The following SPIDR variants were observed in gnomAD, a reference collection of about 807,000 sequenced individuals.
SPIDR encodes DNA repair-scaffolding protein.
In SPIDR, 93 loss-of-function variants were observed where a neutral mutation model predicts 104.6. The ratio of observed to expected loss-of-function variants is 0.89; its 90% confidence interval spans 0.75 to 1.06. The LOEUF (loss-of-function observed/expected upper bound fraction) is 1.06. SPIDR is among the 50% of genes least tolerant of loss of function. The pLI, the probability that SPIDR is intolerant of heterozygous loss-of-function variation, is 0.00. For missense variants in SPIDR, 1,154 were observed against 1,111.2 expected (o/e 1.04, Z -0.55); for synonymous variants, 431 against 416.9 (o/e 1.03, Z -0.41).
In SPIDR at chr8:47,479,920, TTC is replaced by T. The variant is rs1379996452; in HGVS notation, c.1097+39382_1097+39383del. 2.0e-5 allele frequency among the ~76,000 whole-genome samples: 3 copies of T among 152,360 alleles called. No individual in the cohort carries two copies. The East Asian group carries it at 5.8e-4, about 29-fold the overall frequency. ...GCTTCTTCAGTGTTTAGCATCCAGTTTCTCTTAGTTTGTGCCTCATGATGTTT... is the reference window on the plus strand; with the variant it reads ...GCTTCTTCAGTGTTTAGCATCCAGTTTCTTAGTTTGTGCCTCATGATGTTT... On this transcript the variant is annotated intron_variant, in intron 8 of 19. Coordinates refer to ENST00000297423, the MANE Select transcript of SPIDR (RefSeq NM_001080394.4).
At chr8:47,487,411 C>CT (rs1358231761) in intron 8 of SPIDR, among the ~76,000 whole-genome samples, 52 of 152,242 alleles carry the variant, frequency 3.4e-4, no homozygotes, top group African/African-American at 1.3e-3. Context: ...TAATGGGAGA[C>CT]TTTAACACCC....
intron 5 of SPIDR, among the ~76,000 whole-genome samples, chr8:47,314,291 T>G (rs1426892256): frequency 6.6e-6 from 1 of 151,550 alleles, no homozygotes; most frequent in Non-Finnish European, 1.5e-5. Context: ...ACAAGAGAAG[T>G]CAAAATGGAA....
chr8:47,476,911 T>C (rs114837705), intron 8 of SPIDR, among the ~76,000 whole-genome samples: 7 of 152,144 alleles, frequency 4.6e-5, no homozygotes, highest in Non-Finnish European at 1.5e-5. Context: ...AATTTCCTTA[T>C]GAGGAGGAAG....
At position 47,575,680 on chromosome 8, in the gene SPIDR, G is replaced by A. The variant is rs576943572; in HGVS notation, c.1098-20131G>A. Among the ~76,000 whole-genome samples the A allele has an allele frequency of 2.1e-4, 29 of 140,534 alleles. 1 individual carries two copies. The highest frequency in any genetic ancestry group is 6.9e-4 in the African/African-American group (26 of 37,914). The allele number at this position is 140,534 out of a possible 152,430, so 92.2% of individuals were successfully genotyped here. ...AAAAAAAAAGAAAGAAAAAAGCTTC[G>A]GCCAGGCGCAGTGGCTCACACTTGT... On this transcript the variant is annotated intron_variant, in intron 8 of 19. Coordinates refer to ENST00000297423, the MANE Select transcript of SPIDR (RefSeq NM_001080394.4).
chr8:47,262,906 A>G (rs2032878963), intron 1 of SPIDR, among the ~76,000 whole-genome samples: 1 of 152,216 alleles, frequency 6.6e-6, no homozygotes, highest in Non-Finnish European at 1.5e-5. Context: ...TTCAGAGGTG[A>G]CTTTCCCTTA....
At chr8:47,710,644 TTTTA>T (rs2081734607) in intron 14 of SPIDR, among the ~76,000 whole-genome samples, 1 of 152,096 alleles carries the variant, frequency 6.6e-6, no homozygotes, top group South Asian at 2.1e-4. Flanking sequence ...AATTTTGTGC[TTTTA>T]GTAGAGATGG....
chr8:47,488,889 A>G (rs1479107632), intron 8 of SPIDR, among the ~76,000 whole-genome samples: 39 of 152,308 alleles, frequency 2.6e-4, no homozygotes, highest in Non-Finnish European at 3.8e-4. Flanking sequence ...ACCCACAGCC[A>G]ATATCATACT....
At chr8:47,412,413 A>G (rs572159324) in intron 7 of SPIDR, among the ~76,000 whole-genome samples, 20 of 152,200 alleles carry the variant, frequency 1.3e-4, no homozygotes, top group Non-Finnish European at 2.6e-4. Context: ...CTTCAGGCAT[A>G]TTGGTTGGAA....
chr8:47,380,047 T>C (rs1286381151), intron 5 of SPIDR, among the ~76,000 whole-genome samples: 2 of 152,230 alleles, frequency 1.3e-5, no homozygotes, highest in Non-Finnish European at 2.9e-5. Flanking sequence ...AAAGCTTGGC[T>C]CATAACCAGA....
intron 10 of SPIDR, among the ~76,000 whole-genome samples, chr8:47,617,021 T>C (rs1489466238): frequency 6.6e-6 from 1 of 152,168 alleles, no homozygotes; most frequent in Non-Finnish European, 1.5e-5. Context: ...TTGTAGAGGA[T>C]CCCTTATTTT....
intron 8 of SPIDR, among the ~76,000 whole-genome samples, chr8:47,566,935 G>T (rs1309109598): frequency 6.6e-6 from 1 of 152,176 alleles, no homozygotes; most frequent in Non-Finnish European, 1.5e-5. Flanking sequence ...GTGGTTCTGG[G>T]AAGCAAGGTT....
chr8:47,482,389 G>A (rs537130929), intron 8 of SPIDR, among the ~76,000 whole-genome samples: 2 of 152,156 alleles, frequency 1.3e-5, no homozygotes, highest in East Asian at 1.9e-4. Context: ...GAGCTCAGAT[G>A]TGCCACTGCA....
chr8:47,389,975 A>G (rs1385481717), intron 5 of SPIDR, among the ~76,000 whole-genome samples: 1 of 152,178 alleles, frequency 6.6e-6, no homozygotes, highest in Middle Eastern at 3.2e-3. Context: ...TGGTTAAAGG[A>G]TATGAACACA....
chr8:47,670,583 T>G (rs2154471344), intron 10 of SPIDR, among the ~76,000 whole-genome samples: 1 of 152,292 alleles, frequency 6.6e-6, no homozygotes, highest in African/African-American at 2.4e-5. Flanking sequence ...TTTCCTCTAG[T>G]GATTAGGAGG....
intron 14 of SPIDR, among the ~76,000 whole-genome samples, chr8:47,710,156 C>T (rs982184417): frequency 1.3e-5 from 2 of 152,048 alleles, no homozygotes; most frequent in Non-Finnish European, 2.9e-5. Context: ...GGGATTACCA[C>T]GCCTGGCCAG....
chr8:47,705,673 G>A (rs979129096), intron 14 of SPIDR, among the ~76,000 whole-genome samples: 3 of 152,192 alleles, frequency 2.0e-5, no homozygotes, highest in Non-Finnish European at 4.4e-5. Flanking sequence ...GGAGACTGAG[G>A]CTAGAGGATC....
chr8:47,301,436 C>G (rs1203984704), intron 5 of SPIDR, among the ~76,000 whole-genome samples: 1 of 152,164 alleles, frequency 6.6e-6, no homozygotes, highest in African/African-American at 2.4e-5. Context: ...AGCATTTAGC[C>G]CATTTACATT....
intron 8 of SPIDR, among the ~76,000 whole-genome samples, chr8:47,521,712 GCGC>G (rs2084129794): frequency 6.6e-6 from 1 of 151,504 alleles, no homozygotes; most frequent in Non-Finnish European, 1.5e-5. Flanking sequence ...GTGAGCCACC[GCGC>G]CTGGCCACTC....
rs115672767 is a variant in SPIDR at position 47,497,534 on chromosome 8, T to G, written c.1097+56992T>G. On this transcript the variant is annotated intron_variant, in intron 8 of 19. Transcript: ENST00000297423. ...TTCCAAATTTCTTAGTGCTGTTGAT[T>G]TCAAATTTCATTTCGCCGTGGTCAA... Among the ~76,000 whole-genome samples, 341 of 152,304 alleles carry G rather than the reference T, an allele frequency of 2.2e-3. 1 individual carries two copies. Among genetic ancestry groups the G allele is most frequent in the African/African-American group, 8.0e-3 (333 of 41,576 alleles).
Sources: allele counts gnomAD v4.1 joint callset (sites outside exome capture counted in the v4.1 genomes callset), GRCh38; gene constraint gnomAD v4.1.1; transcripts MANE v1.5; gene names NCBI Gene and HGNC (gene_info 2026-07-23, HGNC 2026-07-21).